FDFT1: variants seen among roughly 807,000 people sequenced by gnomAD.
FDFT1 encodes the protein farnesyl-diphosphate farnesyltransferase 1.
A neutral mutation model predicts 46.8 loss-of-function variants in FDFT1; 68 were observed. The observed-to-expected ratio is 1.45, with a 90% confidence interval of 1.19 to 1.78. The LOEUF (loss-of-function observed/expected upper bound fraction) is 1.78. Among genes scored for constraint, FDFT1 ranks in the 40% most tolerant of loss-of-function variants. FDFT1 has a pLI of 0.00. For synonymous variants in FDFT1, 351 were observed against 185.1 expected (o/e 1.90, Z -7.28); for missense variants, 928 against 524.4 (o/e 1.77, Z -7.52).
intron 1 of FDFT1, among the ~76,000 whole-genome samples, chr8:11,805,175 C>A (rs1272630855): frequency 6.6e-6 from 1 of 152,102 alleles, no homozygotes; most frequent in Non-Finnish European, 1.5e-5. Flanking sequence ...CCTCAGCCTT[C>A]AAAGTGCTGG....
In FDFT1 at chr8:11,804,732, G is replaced by T. The variant is rs1806600436; in HGVS notation, c.99+1801G>T. On this transcript the variant is annotated intron_variant, in intron 1 of 7. Transcript: ENST00000220584. ...AGCAATTCTCCTGCCTCAGCCTGCT[G>T]AGTAGCTGGGATTACAGGCACCTGC... Among the ~76,000 whole-genome samples, 9 of 150,350 alleles carry T rather than the reference G, an allele frequency of 6.0e-5. 1 individual carries two copies. In the South Asian group the frequency reaches 1.9e-3, roughly 32 times the overall value.
upstream of FDFT1, among the ~76,000 whole-genome samples, chr8:11,799,749 C>T (rs940993762): frequency 5.3e-5 from 8 of 151,656 alleles, no homozygotes; most frequent in Non-Finnish European, 8.8e-5. Context: ...AGATTGAGAC[C>T]ATCCTAACCA....
rs1193461060 is a variant in FDFT1, at chr8:11,831,792, G to GAC, written c.1032+124_1032+125dup. On this transcript the variant is annotated intron_variant, in intron 7 of 7. Coordinates refer to ENST00000220584, the MANE Select transcript of FDFT1 (RefSeq NM_004462.5). The stretch of plus-strand genomic sequence containing the variant: ...AATTCACTATCCTGTGGCCTAAAGA[G>GAC]ACAGGAATTGATATCCTTTATAAGG... 6 of 826,804 alleles carry GAC rather than the reference G, an allele frequency of 7.3e-6. No homozygotes were observed. The African/African-American group carries it at 1.0e-4, about 14-fold the overall frequency. 51.2% of individuals were successfully genotyped at this position (826,804 alleles called of 1,614,324 possible).
chr8:11,829,551 G>A (rs541122604), intron 5 of FDFT1, among the ~76,000 whole-genome samples: 254 of 152,294 alleles, frequency 1.7e-3, no homozygotes, highest in African/African-American at 4.7e-3. Context: ...AAGGTTTACT[G>A]TTTAGTCTGC....
At chr8:11,828,312 A>G (rs974642836) in intron 5 of FDFT1, among the ~76,000 whole-genome samples, 18 of 152,154 alleles carry the variant, frequency 1.2e-4, no homozygotes, top group Admixed American at 1.0e-3. Flanking sequence ...AACAACAACA[A>G]AAAAACAAAA....
intron 4 of FDFT1, 87 bp from the exon 5 acceptor site, chr8:11,825,936 AC>A: frequency 1.2e-6 from 1 of 844,908 alleles, no homozygotes; most frequent in East Asian, 2.7e-5. Context: ...TCTCTTTTGA[AC>A]CTGCTTTTTT....
At chr8:11,821,943 AG>A in intron 4 of FDFT1, 65 bp downstream of exon 4, 1 of 1,570,856 alleles carries the variant, frequency 6.4e-7, no homozygotes, top group Non-Finnish European at 8.7e-7. Context: ...CTCATAGTGA[AG>A]CTCAGAACAA....
intron 1 of FDFT1, chr8:11,808,576 T>G: frequency 7.2e-7 from 1 of 1,386,178 alleles, no homozygotes; most frequent in Non-Finnish European, 9.3e-7. Flanking sequence ...ACCTTGGTGC[T>G]GAGTCCCGCC....
chr8:11,814,939 T>C (rs1326632973), intron 3 of FDFT1, among the ~76,000 whole-genome samples: 2 of 152,164 alleles, frequency 1.3e-5, no homozygotes, highest in African/African-American at 4.8e-5. Context: ...TACATAGGTA[T>C]ACATGTGCCA....
At chr8:11,835,526 G>A (rs1399356856) in intron 7 of FDFT1, among the ~76,000 whole-genome samples, 1 of 152,144 alleles carries the variant, frequency 6.6e-6, no homozygotes, top group East Asian at 1.9e-4. Flanking sequence ...TTATCTCCTG[G>A]AAGGGCATAT....
chr8:11,799,630 C>A (rs187923126), upstream of FDFT1, among the ~76,000 whole-genome samples: 3 of 152,208 alleles, frequency 2.0e-5, no homozygotes, highest in East Asian at 5.8e-4. Context: ...ATTTGAAATG[C>A]TTTTTCCCTG....
chr8:11,829,876 C>G (rs1016082169), intron 5 of FDFT1, among the ~76,000 whole-genome samples: 1 of 151,720 alleles, frequency 6.6e-6, no homozygotes, highest in Non-Finnish European at 1.5e-5. Flanking sequence ...GTGACGGAGT[C>G]TCACTCTTTC....
At chr8:11,831,123 T>C (rs1011715367) in intron 6 of FDFT1, among the ~76,000 whole-genome samples, 1 of 152,240 alleles carries the variant, frequency 6.6e-6, no homozygotes, top group Non-Finnish European at 1.5e-5. Context: ...ATGATTATGT[T>C]TGTTGTAGGA....
chr8:11,820,902 G>C (rs1249352461), intron 3 of FDFT1, among the ~76,000 whole-genome samples: 2 of 152,190 alleles, frequency 1.3e-5, no homozygotes, highest in Non-Finnish European at 2.9e-5. Context: ...CCAGTGAGAT[G>C]AACCAGGTAC....
At position 11,808,278 on chromosome 8, in the gene FDFT1, C is replaced by A. The variant is rs982725261; in HGVS notation, c.100-516C>A. The A allele has an allele frequency of 9.0e-6, 11 of 1,219,758 alleles. No homozygotes were observed. The East Asian group carries it at 1.6e-4, about 18-fold the overall frequency. 75.6% of individuals were successfully genotyped at this position (1,219,758 alleles called of 1,614,324 possible). A position where few individuals can be genotyped will look rare whatever the true frequency, so the allele number is the denominator to read the frequency against. On this transcript the variant is annotated intron_variant, in intron 1 of 7. Transcript: ENST00000220584. Reference sequence around the variant, plus strand: ...TCACTGGGAGGACGAGCGAGCCGCTCGGAAGTGCGCTGGGTTCCCTTAGCG... The same window carrying A: ...TCACTGGGAGGACGAGCGAGCCGCTAGGAAGTGCGCTGGGTTCCCTTAGCG...
intron 3 of FDFT1, among the ~76,000 whole-genome samples, chr8:11,816,813 A>C (rs1407694296): frequency 6.6e-6 from 1 of 152,210 alleles, no homozygotes; most frequent in Non-Finnish European, 1.5e-5. Context: ...TGTCATTTGC[A>C]AACAGGCAAT....
intron 6 of FDFT1, 130 bp from the exon 7 acceptor site, chr8:11,831,388 G>C (rs188705694): frequency 2.9e-5 from 21 of 732,028 alleles, no homozygotes; most frequent in Admixed American, 1.1e-4. Flanking sequence ...ATTTTTTCTT[G>C]AGCGATTCCA....
At chr8:11,830,123 G>A (rs1810567453) in intron 5 of FDFT1, 121 bp from the exon 6 acceptor site, 12 of 817,176 alleles carry the variant, frequency 1.5e-5, no homozygotes, top group Non-Finnish European at 2.5e-5. Context: ...TGGGATTACA[G>A]GCGTGAGCCA....
At chr8:11,797,547 T>C (rs1413875078), upstream of FDFT1, among the ~76,000 whole-genome samples, 3 of 132,150 alleles carry the variant, frequency 2.3e-5, no homozygotes, top group Admixed American at 8.5e-5. Context: ...TAATCACAGC[T>C]ACTAGGGAAG....
Sources: gnomAD v4.1 joint callset for allele counts (sites outside exome capture counted in the v4.1 genomes callset) on GRCh38, gnomAD v4.1.1 for gene constraint, MANE v1.5 for transcripts, NCBI Gene and HGNC (gene_info 2026-07-23, HGNC 2026-07-21) for gene names.